Variants in KCTD10 observed in about 807,000 individuals in gnomAD.
KCTD10 encodes BTB/POZ domain-containing adapter for CUL3-mediated RhoA degradation protein 3.
KCTD10 carries 13 observed loss-of-function variants against 34.6 expected under a neutral mutation model. That is an observed-to-expected ratio of 0.38 (90% confidence interval 0.24 to 0.60). The LOEUF (loss-of-function observed/expected upper bound fraction) is 0.60, where lower values mean the gene tolerates loss of function less well. Among genes scored for constraint, KCTD10 ranks in the 20% least tolerant of loss-of-function variants. The pLI is 0.66. For synonymous variants in KCTD10, 156 were observed against 168.8 expected (o/e 0.92, Z 0.59); for missense variants, 256 against 420.3 (o/e 0.61, Z 3.42).
intron 2 of KCTD10, among the ~76,000 whole-genome samples, chr12:109,463,696 G>A (rs949368002): frequency 1.3e-5 from 2 of 152,160 alleles, no homozygotes; most frequent in African/African-American, 4.8e-5. Flanking sequence ...GTTAAGTGTT[G>A]GAAACCCAGC....
intron 1 of KCTD10, chr12:109,471,136 A>G: frequency 2.0e-6 from 2 of 985,446 alleles, no homozygotes; most frequent in Non-Finnish European, 2.4e-6. Flanking sequence ...TGAAACTGAA[A>G]AAGAATTGTC....
At chr12:109,476,623 C>T (rs138205902) in intron 1 of KCTD10, among the ~76,000 whole-genome samples, 1 of 152,208 alleles carries the variant, frequency 6.6e-6, no homozygotes, top group African/African-American at 2.4e-5. Context: ...CGCAGGTATC[C>T]TAACCTCAGG....
intron 3 of KCTD10, 104 bp from the exon 4 acceptor site, chr12:109,458,182 T>C (rs1275647131): frequency 6.1e-6 from 5 of 819,212 alleles, no homozygotes; most frequent in Admixed American, 4.2e-5. Flanking sequence ...GGGGCAGTCA[T>C]GGCTGGGAAG....
At chr12:109,455,802 G>GA (rs1359284202) in intron 6 of KCTD10, among the ~76,000 whole-genome samples, 1 of 152,188 alleles carries the variant, frequency 6.6e-6, no homozygotes, top group Non-Finnish European at 1.5e-5. Flanking sequence ...GGCATGGTGG[G>GA]AGAAGTCAAA....
At chr12:109,461,250 A>C (rs1873309874) in intron 2 of KCTD10, among the ~76,000 whole-genome samples, 1 of 152,218 alleles carries the variant, frequency 6.6e-6, no homozygotes, top group Non-Finnish European at 1.5e-5. Flanking sequence ...TCACATTAAC[A>C]GAGCCATTTC....
rs1321235725 is a variant in KCTD10, at chr12:109,450,037, ACAGG to A, written c.*1554_*1557del. ...TACAAAATGAAGGCATACAACTGTCACAGGCAGGGCAGTAAGTACAAAGTCTAAG... is the reference window on the plus strand; with the variant it reads ...TACAAAATGAAGGCATACAACTGTCACAGGGCAGTAAGTACAAAGTCTAAG... On this transcript the variant is annotated 3_prime_UTR_variant, in exon 7 of 7. Coordinates refer to ENST00000228495, the MANE Select transcript of KCTD10 (RefSeq NM_031954.5). 2.7e-6 allele frequency: 1 copy of A among 376,452 alleles called. No individual in the cohort carries two copies. The highest frequency in any genetic ancestry group is 3.8e-5 in the East Asian group (1 of 26,416). The allele number at this position is 376,452 out of a possible 1,614,324, so 23.3% of individuals were successfully genotyped here. A position where few individuals can be genotyped will look rare whatever the true frequency, so the allele number is the denominator to read the frequency against.
chr12:109,475,379 C>T (rs557834065), intron 1 of KCTD10, among the ~76,000 whole-genome samples: 9 of 152,102 alleles, frequency 5.9e-5, no homozygotes, highest in South Asian at 4.2e-4. Flanking sequence ...CGGGAGACTG[C>T]GGTGGGAGGA....
At chr12:109,473,752 A>G in intron 1 of KCTD10, among the ~76,000 whole-genome samples, 1 of 144,790 alleles carries the variant, frequency 6.9e-6, no homozygotes, top group East Asian at 2.0e-4. Flanking sequence ...TCTAGGGAGG[A>G]CTCTCCCCAC....
At position 109,460,898 on chromosome 12, in the gene KCTD10, T is replaced by C. The variant is rs559420248; in HGVS notation, c.218-93A>G. 2.0e-5 allele frequency: 26 copies of C among 1,294,768 alleles called. No homozygotes were observed. The South Asian group carries it at 3.3e-4, about 16-fold the overall frequency. The allele number at this position is 1,294,768 out of a possible 1,614,324, so 80.2% of individuals were successfully genotyped here. A position where few individuals can be genotyped will look rare whatever the true frequency, so the allele number is the denominator to read the frequency against. On this transcript the variant is annotated intron_variant, in intron 2 of 6. Transcript: ENST00000228495. This position sits in a 1 kb window ranked among gnomAD's most constrained non-coding sequence, Gnocchi z 4.5. ...GGGGTGTCTCTCGGCTCCCTCTACC[T>C]CCCAGCGGAGAGCGGGACTGCCTGG...
At chr12:109,474,944 C>G (rs1874082187) in intron 1 of KCTD10, among the ~76,000 whole-genome samples, 1 of 152,116 alleles carries the variant, frequency 6.6e-6, no homozygotes, top group Admixed American at 6.5e-5. Flanking sequence ...TCTCGGCAAA[C>G]CTGGATTGCA....
intron 2 of KCTD10, chr12:109,468,999 CGT>C (rs979863147): frequency 2.1e-4 from 32 of 151,760 alleles, no homozygotes; most frequent in South Asian, 2.1e-4. Context: ...AAAAGAAAAA[CGT>C]GTGTGTGTGT....
chr12:109,460,897 C>T lies in KCTD10; in HGVS notation c.218-92G>A. On this transcript the variant is annotated intron_variant, in intron 2 of 6. Coordinates refer to ENST00000228495, the MANE Select transcript of KCTD10 (RefSeq NM_031954.5). This position sits in a 1 kb window ranked among gnomAD's most constrained non-coding sequence, Gnocchi z 4.5. ...TGGGGTGTCTCTCGGCTCCCTCTAC[C>T]TCCCAGCGGAGAGCGGGACTGCCTG... The T allele has an allele frequency of 7.7e-7, 1 of 1,304,270 alleles. No homozygotes were observed. The highest frequency in any genetic ancestry group is 1.1e-6 in the Non-Finnish European group (1 of 934,168). 80.8% of individuals were successfully genotyped at this position (1,304,270 alleles called of 1,614,324 possible). A position where few individuals can be genotyped will look rare whatever the true frequency, so the allele number is the denominator to read the frequency against.
At chr12:109,457,464 A>G in intron 5 of KCTD10, 166 bp downstream of exon 5, 1 of 611,158 alleles carries the variant, frequency 1.6e-6, no homozygotes, top group Non-Finnish European at 3.0e-6. Flanking sequence ...TGTGTGAATT[A>G]TAGCTCAGAG....
intron 5 of KCTD10, chr12:109,456,668 G>A: frequency 2.7e-6 from 1 of 373,874 alleles, no homozygotes; most frequent in Non-Finnish European, 5.1e-6. Context: ...GGAGCAGAAT[G>A]GCACTGCCCA....
At chr12:109,473,822 C>T (rs1431398829) in intron 1 of KCTD10, among the ~76,000 whole-genome samples, 2 of 148,700 alleles carry the variant, frequency 1.3e-5, no homozygotes, top group African/African-American at 2.5e-5. Flanking sequence ...GCTCTTATTG[C>T]CCAGGCTACA....
chr12:109,464,842 G>A (rs1351984935), intron 2 of KCTD10: 1 of 456,098 alleles, frequency 2.2e-6, no homozygotes, highest in South Asian at 1.5e-5. Context: ...CCAGACTTCT[G>A]CAGGGAGTAG....
chr12:109,464,064 T>C (rs1450990823), intron 2 of KCTD10, among the ~76,000 whole-genome samples: 3 of 152,124 alleles, frequency 2.0e-5, no homozygotes, highest in Admixed American at 1.3e-4. Flanking sequence ...GAGCATACCA[T>C]GTGCTTCCTC....
intron 2 of KCTD10, among the ~76,000 whole-genome samples, chr12:109,466,057 A>C (rs1216936588): frequency 6.6e-6 from 1 of 152,186 alleles, no homozygotes; most frequent in Non-Finnish European, 1.5e-5. Context: ...AGTCAGGTGA[A>C]AATTCTAGCA....
intron 1 of KCTD10, chr12:109,470,329 A>G (rs1011636163): frequency 8.1e-6 from 8 of 985,440 alleles, no homozygotes; most frequent in Admixed American, 1.2e-4. Context: ...GGACTAAACA[A>G]CAGACATGGA....
Sources: gnomAD v4.1 joint callset for allele counts (sites outside exome capture counted in the v4.1 genomes callset) on GRCh38, gnomAD v4.1.1 for gene constraint, Gnocchi (gnomAD v3.1) non-coding constraint, MANE v1.5 for transcripts, NCBI Gene and HGNC (gene_info 2026-07-23, HGNC 2026-07-21) for gene names.